GPAT3: variants seen among roughly 807,000 people sequenced by gnomAD.
GPAT3 encodes the protein 1-AGP acyltransferase 9.
In GPAT3, 53 loss-of-function variants were observed where a neutral mutation model predicts 58.8. That is an observed-to-expected ratio of 0.90 (90% CI 0.72 to 1.13). The LOEUF (loss-of-function observed/expected upper bound fraction) is 1.13. GPAT3 is among the 50% of genes most tolerant of loss of function. The pLI is 0.00. For synonymous variants in GPAT3, 197 were observed against 187.4 expected, an observed-to-expected ratio of 1.05 and a Z score of -0.42; for missense variants, 511 against 527.6, an observed-to-expected ratio of 0.97 and a Z score of 0.31.
chr4:83,579,084 TTCCTTCCTTCCTTCC>T (rs1560621501), intron 2 of GPAT3, among the ~76,000 whole-genome samples: 8 of 62,232 alleles, frequency 1.3e-4, no homozygotes, highest in Middle Eastern at 6.6e-3. Flanking sequence ...CTTTCTTCCC[TTCCTTCCTTCCTTCC>T]TTCCTTCCTT....
At chr4:83,583,212 T>C (rs186863057) in intron 3 of GPAT3, among the ~76,000 whole-genome samples, 1 of 152,012 alleles carries the variant, frequency 6.6e-6, no homozygotes, top group African/African-American at 2.4e-5. Flanking sequence ...GAGAATCGCT[T>C]GAACCTGGGA....
intron 3 of GPAT3, among the ~76,000 whole-genome samples, chr4:83,586,140 A>G (rs1025740037): frequency 1.1e-4 from 16 of 152,174 alleles, no homozygotes; most frequent in Admixed American, 3.3e-4. Flanking sequence ...TATAAAAGGT[A>G]CTTAGAATAT....
chr4:83,583,667 G>GAAAAAA (rs749976752), intron 3 of GPAT3, among the ~76,000 whole-genome samples: 5 of 23,476 alleles, frequency 2.1e-4, no homozygotes, highest in Admixed American at 6.4e-4. Context: ...ACTCTTGTCT[G>GAAAAAA]AAAAAAAAAA....
intron 1 of GPAT3, 109 bp from the exon 2 acceptor site, chr4:83,544,427 G>T: frequency 9.1e-7 from 1 of 1,104,700 alleles, no homozygotes; most frequent in South Asian, 1.3e-5. Flanking sequence ...CTTTAGTTCA[G>T]ACACTGCCAG....
intron 2 of GPAT3, among the ~76,000 whole-genome samples, chr4:83,563,477 T>TC (rs1401933146): frequency 1.4e-5 from 2 of 146,614 alleles, no homozygotes; most frequent in African/African-American, 2.5e-5. Context: ...TTTTCTTTCT[T>TC]CTTTTTTTTT....
chr4:83,546,644 A>G lies in GPAT3; in HGVS notation c.208+2042A>G, dbSNP rs1423445928. Among the ~76,000 whole-genome samples the G allele has an allele frequency of 3.3e-5, 5 of 152,098 alleles. No homozygotes were observed. The East Asian group carries it at 9.6e-4, about 29-fold the overall frequency. Reference sequence around the variant, plus strand: ...CCTTCCTTGTAGCCTGTTAAATTGGAAATTGACTCTCACAGTTATTGAACA... The same window carrying G: ...CCTTCCTTGTAGCCTGTTAAATTGGGAATTGACTCTCACAGTTATTGAACA... On this transcript the variant is annotated intron_variant, in intron 2 of 11. Coordinates refer to ENST00000264409, the MANE Select transcript of GPAT3 (RefSeq NM_032717.5).
intron 11 of GPAT3, among the ~76,000 whole-genome samples, chr4:83,601,288 C>T (rs1208989929): frequency 6.6e-6 from 1 of 152,154 alleles, no homozygotes; most frequent in East Asian, 1.9e-4. Flanking sequence ...CAACAATGTT[C>T]AGGGAGGACT....
At chr4:83,598,593 A>C (rs535557335) in intron 10 of GPAT3, 51 bp from the exon 11 acceptor site, 53 of 1,445,094 alleles carry the variant, frequency 3.7e-5, no homozygotes, top group Non-Finnish European at 5.0e-5. Flanking sequence ...AGATGGTATT[A>C]AAAACTCGAT....
In GPAT3 at chr4:83,598,236, A is replaced by G. The variant is rs1048936319; in HGVS notation, c.1125+57A>G. On this transcript the variant is annotated intron_variant, in intron 10 of 11. Coordinates refer to ENST00000264409, the MANE Select transcript of GPAT3 (RefSeq NM_032717.5). ...GTAGAGGCAAGGAGATCTTCACCTG[A>G]AAATCTGGGTGTCTCCCTTCTCCAT... is the stretch of plus-strand genomic sequence containing the variant. The G allele has an allele frequency of 1.4e-5, 22 of 1,575,438 alleles. No homozygotes were observed. The African/African-American group carries it at 2.9e-4, about 21-fold the overall frequency.
intron 3 of GPAT3, 25 bp from the exon 4 acceptor site, chr4:83,587,230 T>C: frequency 1.2e-6 from 2 of 1,601,620 alleles, no homozygotes; most frequent in South Asian, 1.1e-5. Context: ...CAAAATCTTA[T>C]ATGGCCCTCT....
chr4:83,585,366 T>A (rs982393010), intron 3 of GPAT3, among the ~76,000 whole-genome samples: 1 of 150,066 alleles, frequency 6.7e-6, no homozygotes, highest in Non-Finnish European at 1.5e-5. Context: ...TAATAATATA[T>A]ATTAATGTAT....
chr4:83,602,393 T>C (rs1420050677), intron 11 of GPAT3, among the ~76,000 whole-genome samples: 1 of 152,230 alleles, frequency 6.6e-6, no homozygotes, highest in Non-Finnish European at 1.5e-5. Flanking sequence ...TTTAATTACC[T>C]AGCCTCTTAA....
At chr4:83,576,409 T>A (rs1725814461) in intron 2 of GPAT3, among the ~76,000 whole-genome samples, 3 of 148,916 alleles carry the variant, frequency 2.0e-5, no homozygotes, top group African/African-American at 7.5e-5. Context: ...TGAGAAAATA[T>A]CATTTTATTT....
rs150817067 is a variant in GPAT3 at position 83,564,866 on chromosome 4, T to A, written c.209-16696T>A. ...ATATTTTCTTTTTCTAACTTCTGGATTTAGTAGAAACATTTTTTTTCCTCT... is the reference window on the plus strand; with the variant it reads ...ATATTTTCTTTTTCTAACTTCTGGAATTAGTAGAAACATTTTTTTTCCTCT... On this transcript the variant is annotated intron_variant, in intron 2 of 11. Coordinates refer to ENST00000264409, the MANE Select transcript of GPAT3 (RefSeq NM_032717.5). Among the ~76,000 whole-genome samples, 39 of 151,534 alleles carry A rather than the reference T, an allele frequency of 2.6e-4. No individual in the cohort carries two copies. The East Asian group carries it at 6.4e-3, about 25-fold the overall frequency.
chr4:83,537,369 C>T (rs1314837310), intron 1 of GPAT3, among the ~76,000 whole-genome samples: 1 of 152,070 alleles, frequency 6.6e-6, no homozygotes, highest in Non-Finnish European at 1.5e-5. Context: ...TTTCCAAATC[C>T]TGCAAAGAAA....
chr4:83,539,119 T>C (rs1256187200), intron 1 of GPAT3, among the ~76,000 whole-genome samples: 1 of 152,178 alleles, frequency 6.6e-6, no homozygotes, highest in African/African-American at 2.4e-5. Context: ...GTTAGATGTT[T>C]CAAAGACATT....
chr4:83,563,208 G>C (rs1271819978), intron 2 of GPAT3, among the ~76,000 whole-genome samples: 1 of 152,166 alleles, frequency 6.6e-6, no homozygotes, highest in African/African-American at 2.4e-5. Context: ...GGATATGTGT[G>C]TGCAAGTTAT....
intron 6 of GPAT3, among the ~76,000 whole-genome samples, chr4:83,590,638 T>C (rs917487640): frequency 6.6e-6 from 1 of 152,216 alleles, no homozygotes; most frequent in Non-Finnish European, 1.5e-5. Flanking sequence ...CAGTTGCACA[T>C]ATCCCCTAGC....
intron 2 of GPAT3, among the ~76,000 whole-genome samples, chr4:83,578,825 G>C (rs1725912633): frequency 6.6e-6 from 1 of 151,560 alleles, no homozygotes; most frequent in Non-Finnish European, 1.5e-5. Flanking sequence ...TTCTGAAAAA[G>C]AGAACCTAAT....
Sources: gnomAD v4.1 joint callset for allele counts (sites outside exome capture counted in the v4.1 genomes callset) on GRCh38, gnomAD v4.1.1 for gene constraint, MANE v1.5 for transcripts, NCBI Gene and HGNC (gene_info 2026-07-23, HGNC 2026-07-21) for gene names.